The following ERBB4 variants were observed in gnomAD, a reference collection of about 807,000 sequenced individuals.
The protein encoded by ERBB4 is erb-b2 receptor tyrosine kinase 4.
In ERBB4, 42 loss-of-function variants were observed where a neutral mutation model predicts 158.0. That is an observed-to-expected ratio of 0.27 (90% confidence interval 0.21 to 0.34). The LOEUF (loss-of-function observed/expected upper bound fraction) is 0.34, where lower values mean the gene tolerates loss of function less well. Among genes scored for constraint, ERBB4 ranks in the 10% least tolerant of loss-of-function variants. The pLI, the probability that ERBB4 is intolerant of heterozygous loss-of-function variation, is 1.00. For missense variants in ERBB4, 1,333 were observed against 1,624.1 expected (o/e 0.82, Z 3.08); for synonymous variants, 583 against 558.7 (o/e 1.04, Z -0.61).
chr2:212,315,743 G>A (rs776821035), intron 1 of ERBB4, among the ~76,000 whole-genome samples: 2 of 151,368 alleles, frequency 1.3e-5, no homozygotes, highest in Non-Finnish European at 3.0e-5. Flanking sequence ...CAAATACAAT[G>A]TCAGATTCCG....
chr2:212,355,788 G>A (rs1213896045), intron 1 of ERBB4, among the ~76,000 whole-genome samples: 1 of 151,736 alleles, frequency 6.6e-6, no homozygotes, highest in Non-Finnish European at 1.5e-5. Flanking sequence ...ATATGTATAT[G>A]CATGTATGTA....
intron 1 of ERBB4, among the ~76,000 whole-genome samples, chr2:212,407,548 C>G (rs977832611): frequency 2.6e-5 from 4 of 152,020 alleles, no homozygotes; most frequent in African/African-American, 7.2e-5. Flanking sequence ...TGTACTACAG[C>G]TACTTCATAT....
Position 211,384,834 on chromosome 2 carries a change from T to C in ERBB4, c.3482-774A>G, listed in dbSNP as rs377015192. ...AATTTTGTATATTGAAACCAGTCAATTAGTGCCTATTTTGTACGGATCAAT... is the reference window on the plus strand; with the variant it reads ...AATTTTGTATATTGAAACCAGTCAACTAGTGCCTATTTTGTACGGATCAAT... On this transcript the variant is annotated intron_variant, in intron 27 of 27. Coordinates refer to ENST00000342788, the MANE Select transcript of ERBB4 (RefSeq NM_005235.3). Among the ~76,000 whole-genome samples, 32 of 152,228 alleles carry C rather than the reference T, an allele frequency of 2.1e-4. No individual in the cohort carries two copies. The South Asian group carries it at 6.6e-3, about 32-fold the overall frequency.
At chr2:211,577,062 A>C (rs908497254) in intron 19 of ERBB4, among the ~76,000 whole-genome samples, 1 of 152,200 alleles carries the variant, frequency 6.6e-6, no homozygotes, top group Non-Finnish European at 1.5e-5. Flanking sequence ...AATGGGAACT[A>C]TAATGCCTAT....
chr2:211,754,026 T>G (rs2075219133), intron 4 of ERBB4, among the ~76,000 whole-genome samples: 1 of 151,688 alleles, frequency 6.6e-6, no homozygotes, highest in South Asian at 2.1e-4. Flanking sequence ...CCCGGCTAAT[T>G]TTTTTTCGTA....
At chr2:211,491,292 A>C (rs1327178009) in intron 20 of ERBB4, among the ~76,000 whole-genome samples, 3 of 152,100 alleles carry the variant, frequency 2.0e-5, no homozygotes, top group African/African-American at 2.4e-5. Context: ...TTCATGGATA[A>C]AGAAATAAGG....
At chr2:212,215,381 G>A (rs1020905463) in intron 1 of ERBB4, among the ~76,000 whole-genome samples, 2 of 151,370 alleles carry the variant, frequency 1.3e-5, no homozygotes, top group African/African-American at 4.8e-5. Context: ...AAGTCTAAGA[G>A]AATCATTTTT....
At chr2:212,499,228 C>T (rs772987431) in intron 1 of ERBB4, among the ~76,000 whole-genome samples, 4 of 151,888 alleles carry the variant, frequency 2.6e-5, no homozygotes, top group South Asian at 2.1e-4. Context: ...CAGTCTAAAA[C>T]GGGAAGTGGT....
At chr2:212,181,198 G>T (rs1458927494) in intron 1 of ERBB4, among the ~76,000 whole-genome samples, 3 of 151,542 alleles carry the variant, frequency 2.0e-5, no homozygotes, top group Non-Finnish European at 4.4e-5. Flanking sequence ...CCTATAACTT[G>T]ATGTGATTTA....
intron 1 of ERBB4, among the ~76,000 whole-genome samples, chr2:212,184,849 G>T (rs2081971015): frequency 6.6e-6 from 1 of 151,920 alleles, no homozygotes; most frequent in Non-Finnish European, 1.5e-5. Flanking sequence ...AAGAAAATAA[G>T]TATTTTTTTT....
intron 1 of ERBB4, among the ~76,000 whole-genome samples, chr2:212,391,631 TATTGACA>T (rs1377820033): frequency 1.1e-4 from 14 of 131,838 alleles, no homozygotes; most frequent in African/African-American, 4.1e-4. Flanking sequence ...CAATATATTA[TATTGACA>T]TATAATATTA....
intron 2 of ERBB4, among the ~76,000 whole-genome samples, chr2:212,044,807 C>A (rs148883447): frequency 5.8e-4 from 88 of 152,122 alleles, no homozygotes; most frequent in Middle Eastern, 3.4e-3. Flanking sequence ...AAAAAGGAAC[C>A]ATAAATGACC....
intron 20 of ERBB4, among the ~76,000 whole-genome samples, chr2:211,482,808 G>A (rs1163449722): frequency 2.0e-5 from 3 of 152,154 alleles, no homozygotes; most frequent in Non-Finnish European, 4.4e-5. Context: ...GGGAGGCTGA[G>A]GCAGGAGAAT....
At chr2:212,361,215 T>C (rs1013045855) in intron 1 of ERBB4, among the ~76,000 whole-genome samples, 3 of 151,714 alleles carry the variant, frequency 2.0e-5, no homozygotes, top group African/African-American at 4.8e-5. Flanking sequence ...ATGTAATTGA[T>C]AAAGCCTTCC....
At chr2:211,717,683 G>T (rs1379674431) in intron 7 of ERBB4, among the ~76,000 whole-genome samples, 1 of 79,498 alleles carries the variant, frequency 1.3e-5, no homozygotes, top group African/African-American at 3.8e-5. Context: ...ACAAAAATTA[G>T]CTGGGCGTGG....
At chr2:212,222,299 T>A (rs1030536086) in intron 1 of ERBB4, among the ~76,000 whole-genome samples, 3 of 151,598 alleles carry the variant, frequency 2.0e-5, no homozygotes, top group African/African-American at 7.2e-5. Context: ...TTTACCATTC[T>A]AATTGCTGTC....
chr2:211,878,744 G>A (rs183488136), intron 3 of ERBB4, among the ~76,000 whole-genome samples: 2,068 of 141,922 alleles, frequency 0.015, 49 homozygotes, highest in African/African-American at 0.05. Flanking sequence ...TGCAACCTCC[G>A]CCTCCTGGGT....
At chr2:211,721,013 T>C (rs1360586238) in intron 7 of ERBB4, among the ~76,000 whole-genome samples, 1 of 152,190 alleles carries the variant, frequency 6.6e-6, no homozygotes, top group Non-Finnish European at 1.5e-5. Flanking sequence ...CCTGCACACG[T>C]GCCATTTTAT....
intron 1 of ERBB4, among the ~76,000 whole-genome samples, chr2:212,192,698 A>C (rs2082309112): frequency 1.3e-5 from 2 of 152,194 alleles, no homozygotes; most frequent in African/African-American, 4.8e-5. Context: ...GAGGTCTCAC[A>C]GGAGTCATAT....
Sources: allele counts gnomAD v4.1 joint callset (sites outside exome capture counted in the v4.1 genomes callset), GRCh38; gene constraint gnomAD v4.1.1; transcripts MANE v1.5; gene names NCBI Gene and HGNC (gene_info 2026-07-23, HGNC 2026-07-21).